THBS2: variants seen among roughly 807,000 people sequenced by gnomAD.
The protein encoded by THBS2 is thrombospondin-2.
Under a neutral mutation model 135.2 loss-of-function variants are expected in THBS2, and 47 were observed. The observed-to-expected ratio is 0.35, with a 90% CI of 0.28 to 0.44. THBS2 has a LOEUF of 0.44. THBS2 is among the 20% of genes least tolerant of loss of function. The probability of loss-of-function intolerance (pLI) is 1.00; values close to 1 mark genes in which losing one functional copy is unlikely to be tolerated. For synonymous variants in THBS2, 639 were observed against 633.8 expected, an observed-to-expected ratio of 1.01 and a Z score of -0.12; for missense variants, 1,288 against 1,603.1, an observed-to-expected ratio of 0.80 and a Z score of 3.36.
chr6:169,253,241 G>T (rs1397635033), intron 1 of THBS2, among the ~76,000 whole-genome samples: 1 of 151,538 alleles, frequency 6.6e-6, no homozygotes, highest in South Asian at 2.1e-4. Context: ...TAATGTTAAC[G>T]ATCAGAGTCT....
At position 169,237,206 on chromosome 6, in the gene THBS2, G is replaced by C; in HGVS notation, c.1441C>G (p.Arg481Gly). 1 of 1,611,770 alleles carries C rather than the reference G, an allele frequency of 6.2e-7. No homozygotes were observed. Among genetic ancestry groups the C allele is most frequent in the Non-Finnish European group, 8.5e-7 (1 of 1,179,878 alleles). ...MGGKNCKGSG[R>G]ETKACQGAPC... ...GCGCCCTGGCAGGCTTTGGTCTCCC[G>C]GCCACTCCCTTTGCAATTCTTGCCC... The change falls in exon 9 of 22, where the codon CGG becomes GGG. Residue 481 changes from arginine to glycine, a missense_variant. Physicochemically the swap from Arg to Gly is moderately radical, Grantham distance 125. Around this residue, in one of 2 missense-constraint regions of THBS2, gnomAD observed 874 missense variants for 1,156.1 expected, o/e 0.76. Transcript: ENST00000617924.
In THBS2 at chr6:169,229,580, C is replaced by T. The variant is rs774531572; in HGVS notation, c.2251G>A (p.Asp751Asn). 8.7e-6 allele frequency: 14 copies of T among 1,613,778 alleles called. No individual in the cohort carries two copies. Among genetic ancestry groups the T allele is most frequent in the Admixed American group, 5.0e-5 (3 of 60,000 alleles). The change falls in exon 14 of 22, where the codon GAT (aspartate) becomes AAT (asparagine). Residue 751 changes from aspartate to asparagine, a missense_variant. By Grantham distance (23) the Asp-to-Asn change is conservative. This residue lies in a region of THBS2 where 874 missense variants were observed against 1,156.1 expected (regional missense o/e 0.76). Coordinates refer to ENST00000617924, the MANE Select transcript of THBS2 (RefSeq NM_003247.5). Reference sequence around the variant, plus strand: ...GCACAAGCTGCTCCTACCTTCTCATCGGTCACACCGTCATTGTCATCGTCA... The same window carrying T: ...GCACAAGCTGCTCCTACCTTCTCATTGGTCACACCGTCATTGTCATCGTCA... ...DDDDDNDGVT[D>N]EKDNCQLLFN...
chr6:169,248,806 T>A lies in THBS2; in HGVS notation c.220A>T (p.Ile74Phe). ...PPVNADDLSK[I>F]TKIMRQKEGF... ...TCCTTCTGCCGCATGATCTTGGTGATCTTGCTGAGGTCATCTGCGTTCACC... is the reference window on the plus strand; with the variant it reads ...TCCTTCTGCCGCATGATCTTGGTGAACTTGCTGAGGTCATCTGCGTTCACC... Residue 74 changes from isoleucine to phenylalanine, a missense_variant, in exon 3 of 22, where the codon ATC (isoleucine) becomes TTC (phenylalanine). By Grantham distance (21) the Ile-to-Phe change is conservative. Around this residue, in one of 2 missense-constraint regions of THBS2, gnomAD observed 414 missense variants for 447.0 expected, o/e 0.93. Transcript: ENST00000617924. The A allele has an allele frequency of 6.2e-7, 1 of 1,611,170 alleles. No individual in the cohort carries two copies. The highest frequency in any genetic ancestry group is 8.5e-7 in the Non-Finnish European group (1 of 1,180,006).
At chr6:169,242,966 CTCCCACCT>C (rs1780400944) in intron 4 of THBS2, among the ~76,000 whole-genome samples, 2 of 52,592 alleles carry the variant, frequency 3.8e-5, no homozygotes, top group African/African-American at 9.8e-5. Context: ...CTTCCCACTG[CTCCCACCT>C]TCCCACCTTC....
At chr6:169,231,896 G>A (rs1051132219) in intron 13 of THBS2, 84 bp downstream of exon 13, 4 of 1,449,652 alleles carry the variant, frequency 2.8e-6, no homozygotes, top group Admixed American at 2.0e-5. Context: ...TGCTGCCCCC[G>A]CCCCCCGTCC....
intron 13 of THBS2, 88 bp from the exon 14 acceptor site, chr6:169,229,767 C>T: frequency 1.9e-6 from 2 of 1,067,898 alleles, no homozygotes; most frequent in South Asian, 1.3e-5. Flanking sequence ...CAGCATGGCG[C>T]CGAGGAAGGA....
chr6:169,246,708 G>A (rs1469696464), intron 3 of THBS2, among the ~76,000 whole-genome samples: 2 of 152,144 alleles, frequency 1.3e-5, no homozygotes, highest in Non-Finnish European at 2.9e-5. Flanking sequence ...ACAGACCCTG[G>A]GCCTGCAGGA....
In THBS2 at chr6:169,223,239, G is replaced by C. The variant is rs1779497948; in HGVS notation, c.3001+9C>G. The C allele has an allele frequency of 6.2e-7, 1 of 1,608,594 alleles. No homozygotes were observed. Among genetic ancestry groups the C allele is most frequent in the Non-Finnish European group, 8.5e-7 (1 of 1,175,750 alleles). Reference sequence around the variant, plus strand: ...ATGCTGGCACCACCGCCGTGTCTCAGAGACTCACCTACAGCGATGCCGGGG... The same window carrying C: ...ATGCTGGCACCACCGCCGTGTCTCACAGACTCACCTACAGCGATGCCGGGG... On this transcript the variant is annotated intron_variant, in intron 18 of 21. Transcript: ENST00000617924.
In THBS2 at chr6:169,241,901, G is replaced by T. The variant is rs764156169; in HGVS notation, c.752C>A (p.Thr251Asn). The change falls in exon 5 of 22, where the codon ACC becomes AAC. Residue 251 changes from threonine (T) to asparagine (N), a missense_variant. By Grantham distance (65) the Thr-to-Asn change is moderately conservative. Around this residue, in one of 2 missense-constraint regions of THBS2, gnomAD observed 414 missense variants for 447.0 expected, o/e 0.93. Transcript: ENST00000617924. The surrounding 1 kb of genome is among the most constrained non-coding windows in gnomAD (Gnocchi z 5.5). ...TETLRLGPHV[T>N]TEYVGPSSER... ...CGAGCTGGGGCCCACGTACTCGGTG[G>T]TGACATGCGGACCCAGGCGCAGCGT... 6.2e-7 allele frequency: 1 copy of T among 1,612,100 alleles called. No individual in the cohort carries two copies. Among genetic ancestry groups the T allele is most frequent in the South Asian group, 1.1e-5 (1 of 91,082 alleles).
intron 13 of THBS2, among the ~76,000 whole-genome samples, chr6:169,231,510 G>C (rs1294050076): frequency 1.3e-5 from 2 of 152,186 alleles, no homozygotes; most frequent in Non-Finnish European, 2.9e-5. Context: ...TCCAGCCTGG[G>C]ATGGGCCCCG....
intron 4 of THBS2, among the ~76,000 whole-genome samples, chr6:169,242,743 C>T (rs867253671): frequency 3.2e-5 from 4 of 126,258 alleles, no homozygotes; most frequent in Middle Eastern, 5.5e-3. Flanking sequence ...CTTCCCACCG[C>T]TCCCACCTTC....
rs1212284627 is a variant in THBS2 at position 169,228,213 on chromosome 6, A to C, written c.2328T>G (p.Cys776Trp). 4 of 1,614,084 alleles carry C rather than the reference A, an allele frequency of 2.5e-6. No homozygotes were observed. The highest frequency in any genetic ancestry group is 3.3e-5 in the Admixed American group (2 of 59,996). ...GGTTGTGCACGTAAGGGCAGTTGTCACAGCGGTCCCCAACCTCATCCTTGT... is the reference window on the plus strand; with the variant it reads ...GGTTGTGCACGTAAGGGCAGTTGTCCCAGCGGTCCCCAACCTCATCCTTGT... ...DYDKDEVGDRCDNCPYVHNPA... is the reference protein window; with the variant it reads ...DYDKDEVGDRWDNCPYVHNPA... The change falls in exon 15 of 22, where the codon TGT becomes TGG. Residue 776 changes from cysteine to tryptophan, a missense_variant. Around this residue, in one of 2 missense-constraint regions of THBS2, gnomAD observed 874 missense variants for 1,156.1 expected, o/e 0.76. Transcript: ENST00000617924.
At chr6:169,240,626 A>G (rs763025328) in intron 5 of THBS2, 34 bp from the exon 6 acceptor site, 1 of 1,605,788 alleles carries the variant, frequency 6.2e-7, no homozygotes, top group East Asian at 2.2e-5. Flanking sequence ...AAGTGTAGAC[A>G]ATAATACTAC....
intron 4 of THBS2, 83 bp downstream of exon 4, chr6:169,246,114 C>T: frequency 8.5e-7 from 1 of 1,178,260 alleles, no homozygotes; most frequent in Non-Finnish European, 1.3e-6. Flanking sequence ...AATGCACACA[C>T]ATACACACAC....
Position 169,229,810 on chromosome 6 carries a change from G to A in THBS2, c.2152-131C>T, listed in dbSNP as rs1321678473. ...CCCATCAGTCCTCGATCTCAAGCGG[G>A]AGCTGAGAGAGGAGCCAGGAGGCCA... is the stretch of plus-strand genomic sequence containing the variant. On this transcript the variant is annotated intron_variant, in intron 13 of 21. Coordinates refer to ENST00000617924, the MANE Select transcript of THBS2 (RefSeq NM_003247.5). 8 of 671,248 alleles carry A rather than the reference G, an allele frequency of 1.2e-5. No homozygotes were observed. The East Asian group carries it at 1.9e-4, about 16-fold the overall frequency. The allele number at this position is 671,248 out of a possible 1,614,324, so 41.6% of individuals were successfully genotyped here.
chr6:169,248,427 C>A lies in THBS2; in HGVS notation c.599G>T (p.Ser200Ile), dbSNP rs755165003. ...MYVAKGSARE[S>I]HFRGLLQNVH... is the part of the protein sequence containing the mutation. ...CCCTGCAGAGCGTACCCTGAAGTGA[C>A]TCTCTCTGGCAGAGCCTTTGGCCAC... The change falls in exon 3 of 22, where the codon AGT (serine) becomes ATT (isoleucine). Residue 200 changes from serine to isoleucine, a missense_variant. Around this residue, in one of 2 missense-constraint regions of THBS2, gnomAD observed 414 missense variants for 447.0 expected, o/e 0.93. Transcript: ENST00000617924. The A allele has an allele frequency of 6.2e-7, 1 of 1,603,726 alleles. No homozygotes were observed. Among genetic ancestry groups the A allele is most frequent in the Non-Finnish European group, 8.5e-7 (1 of 1,171,802 alleles).
intron 9 of THBS2, among the ~76,000 whole-genome samples, chr6:169,236,453 TA>T (rs1780077643): frequency 1.2e-5 from 1 of 83,774 alleles, no homozygotes; most frequent in Non-Finnish European, 2.3e-5. Context: ...CATTGCCCCG[TA>T]AACACCATCC....
chr6:169,236,913 A>G (rs535056272), intron 9 of THBS2, among the ~76,000 whole-genome samples: 14 of 152,164 alleles, frequency 9.2e-5, no homozygotes, highest in Admixed American at 2.0e-4. Flanking sequence ...TCCTTTAATT[A>G]CAGTCTGTCC....
rs1583424635 is a variant in THBS2, at chr6:169,252,638, A to G, written c.-23+1086T>C. ...GATTGTCAAAGGACAGTGAGGCTCCATCCCACAGGAAGGATGAGCAGCCAG... is the reference window on the plus strand; with the variant it reads ...GATTGTCAAAGGACAGTGAGGCTCCGTCCCACAGGAAGGATGAGCAGCCAG... On this transcript the variant is annotated intron_variant, in intron 1 of 21. Coordinates refer to ENST00000617924, the MANE Select transcript of THBS2 (RefSeq NM_003247.5). This position sits in a 1 kb window ranked among gnomAD's most constrained non-coding sequence, Gnocchi z 4.3. Among the ~76,000 whole-genome samples the G allele has an allele frequency of 6.6e-6, 1 of 152,194 alleles. No individual in the cohort carries two copies. The highest frequency in any genetic ancestry group is 1.5e-5 in the Non-Finnish European group (1 of 68,030).
Sources: gnomAD v4.1 joint callset for allele counts (sites outside exome capture counted in the v4.1 genomes callset) on GRCh38, gnomAD v4.1.1 for gene constraint, gnomAD v4.1.1 regional missense constraint, Gnocchi (gnomAD v3.1) non-coding constraint, MANE v1.5 for transcripts, NCBI Gene and HGNC (gene_info 2026-07-23, HGNC 2026-07-21) for gene names.